PPP1R26: variants seen among roughly 807,000 people sequenced by gnomAD.
PPP1R26 encodes the protein 1A6/DRIM (down-regulated in metastasis) interacting protein.
PPP1R26 carries 22 observed loss-of-function variants against 67.6 expected under a neutral mutation model. That is an observed-to-expected ratio of 0.33 (90% confidence interval 0.23 to 0.46). The LOEUF (loss-of-function observed/expected upper bound fraction) is 0.46, where lower values mean the gene tolerates loss of function less well. PPP1R26 is among the 20% of genes least tolerant of loss of function. The pLI is 1.00. For synonymous variants in PPP1R26, 729 were observed against 717.2 expected, an observed-to-expected ratio of 1.02 and a Z score of -0.26; for missense variants, 1,602 against 1,651.4, an observed-to-expected ratio of 0.97 and a Z score of 0.52.
Position 135,487,611 on chromosome 9 carries a change from G to A in PPP1R26, c.3101G>A (p.Ser1034Asn). The change falls in exon 4 of 4, where the codon AGT (serine) becomes AAT (asparagine). Residue 1034 changes from serine to asparagine, a missense_variant. This residue lies in a region of PPP1R26 where 740 missense variants were observed against 696.3 expected (regional missense o/e 1.06). Transcript: ENST00000356818. Reference protein sequence around the residue: ...TPPWSDFAHQSRLPSPWVLRS... With the variant: ...TPPWSDFAHQNRLPSPWVLRS... ...CCCTGGAGCGACTTCGCCCACCAGAGTCGGCTGCCCAGCCCGTGGGTGCTG... is the reference window on the plus strand; with the variant it reads ...CCCTGGAGCGACTTCGCCCACCAGAATCGGCTGCCCAGCCCGTGGGTGCTG... 6.7e-7 allele frequency: 1 copy of A among 1,489,280 alleles called. No individual in the cohort carries two copies. Among genetic ancestry groups the A allele is most frequent in the Non-Finnish European group, 8.9e-7 (1 of 1,118,500 alleles). The allele number at this position is 1,489,280 out of a possible 1,614,324, so 92.3% of individuals were successfully genotyped here.
Position 135,486,909 on chromosome 9 carries a change from C to T in PPP1R26, c.2399C>T (p.Ala800Val), listed in dbSNP as rs759257667. 6.2e-7 allele frequency: 1 copy of T among 1,612,876 alleles called. No homozygotes were observed. Among genetic ancestry groups the T allele is most frequent in the South Asian group, 1.1e-5 (1 of 91,084 alleles). Reference protein sequence around the residue: ...AALAFRVRRPASASASEGNPF... With the variant: ...AALAFRVRRPVSASASEGNPF... ...CTGGCCTTCCGGGTGAGGAGACCCG[C>T]CTCCGCCTCTGCCTCCGAAGGGAAT... Residue 800 changes from alanine (A) to valine (V), a missense_variant, in exon 4 of 4, where the codon GCC becomes GTC. This residue lies in a region of PPP1R26 where 740 missense variants were observed against 696.3 expected (regional missense o/e 1.06). Transcript: ENST00000356818. This position sits in a 1 kb window ranked among gnomAD's most constrained non-coding sequence, Gnocchi z 6.2.
chr9:135,488,239 A>G lies in PPP1R26; in HGVS notation c.*99A>G. ...TGGTTCCGTGGCTGCAAGGAAGGGA[A>G]ACAGTCTATTATACATAGCCCTGTA... is the stretch of plus-strand genomic sequence containing the variant. On this transcript the variant is annotated 3_prime_UTR_variant, in exon 4 of 4. Transcript: ENST00000356818. 7.0e-7 allele frequency: 1 copy of G among 1,430,376 alleles called. No individual in the cohort carries two copies. The highest frequency in any genetic ancestry group is 9.2e-7 in the Non-Finnish European group (1 of 1,091,256). The allele number at this position is 1,430,376 out of a possible 1,614,324, so 88.6% of individuals were successfully genotyped here. A position where few individuals can be genotyped will look rare whatever the true frequency, so the allele number is the denominator to read the frequency against.
rs1198751524 is a variant in PPP1R26 at position 135,482,755 on chromosome 9, G to A, written c.-256G>A. 2 of 398,410 alleles carry A rather than the reference G, an allele frequency of 5.0e-6. No homozygotes were observed. Among genetic ancestry groups the A allele is most frequent in the African/African-American group, 4.1e-5 (2 of 48,592 alleles). 24.7% of individuals were successfully genotyped at this position (398,410 alleles called of 1,614,324 possible). A position where few individuals can be genotyped will look rare whatever the true frequency, so the allele number is the denominator to read the frequency against. On this transcript the variant is annotated 5_prime_UTR_variant, in exon 2 of 4. Transcript: ENST00000356818. ...TGGAGTGATGAGGACCTGATCTCTG[G>A]GCCGTGTGGGAACACTGGCTGCCAT... is the stretch of plus-strand genomic sequence containing the variant.
intron 2 of PPP1R26, 122 bp downstream of exon 2, chr9:135,482,937 C>A: frequency 2.6e-6 from 1 of 378,182 alleles, no homozygotes; most frequent in Non-Finnish European, 4.6e-6. Context: ...CTTTTGGGCT[C>A]ACCTGTGTGT....
chr9:135,482,807 GAATTTCAAGT>G lies in PPP1R26; in HGVS notation c.-196+7_-196+16del, dbSNP rs1340706864. The G allele has an allele frequency of 2.5e-5, 10 of 398,382 alleles. No homozygotes were observed. The highest frequency in any genetic ancestry group is 4.4e-5 in the Non-Finnish European group (10 of 226,046). The allele number at this position is 398,382 out of a possible 1,614,324, so 24.7% of individuals were successfully genotyped here. A position where few individuals can be genotyped will look rare whatever the true frequency, so the allele number is the denominator to read the frequency against. On this transcript the variant is annotated splice_donor_variant and 5_prime_UTR_variant, in exon 2 of 4. Transcript: ENST00000356818. LOFTEE classifies it low-confidence loss of function (5UTR_SPLICE). Reference sequence around the variant, plus strand: ...TCATCACAGTCAACCTGGACTCACAGAATTTCAAGTAATTTCAAGTAATTCTTGTATTTTA... The same window carrying G: ...TCATCACAGTCAACCTGGACTCACAGAATTTCAAGTAATTCTTGTATTTTA...
At chr9:135,483,195 T>C (rs1484050929) in intron 2 of PPP1R26, among the ~76,000 whole-genome samples, 1 of 152,102 alleles carries the variant, frequency 6.6e-6, no homozygotes, top group Non-Finnish European at 1.5e-5. Flanking sequence ...TTTCACTATA[T>C]TGGTCAGGCT....
At position 135,486,112 on chromosome 9, in the gene PPP1R26, C is replaced by A. The variant is rs142756939; in HGVS notation, c.1602C>A (p.Ile534=). The A allele has an allele frequency of 1.9e-6, 3 of 1,612,836 alleles. No individual in the cohort carries two copies. Among genetic ancestry groups the A allele is most frequent in the Non-Finnish European group, 1.7e-6 (2 of 1,180,044 alleles). The part of the protein sequence containing the change: ...DSSSVDSDDS[I]EQEIRTFLAL... ...GCTCCGTGGACAGCGATGACAGCAT[C>A]GAGCAGGAAATCCGGACATTTTTGG... Residue 534 remains isoleucine (I), a synonymous_variant, in exon 4 of 4, where the codon ATC becomes ATA. Coordinates refer to ENST00000356818, the MANE Select transcript of PPP1R26 (RefSeq NM_014811.5). The surrounding 1 kb of genome is among the most constrained non-coding windows in gnomAD (Gnocchi z 6.2).
chr9:135,483,816 A>G, intron 2 of PPP1R26, 134 bp from the exon 3 acceptor site: 1 of 390,174 alleles, frequency 2.6e-6, no homozygotes. Flanking sequence ...AAGAATAACA[A>G]TGCAGTCCCA....
In PPP1R26 at chr9:135,484,724, G is replaced by T; in HGVS notation, c.214G>T (p.Gly72Cys). 6.2e-7 allele frequency: 1 copy of T among 1,609,702 alleles called. No homozygotes were observed. Among genetic ancestry groups the T allele is most frequent in the Non-Finnish European group, 8.5e-7 (1 of 1,178,706 alleles). Residue 72 changes from glycine (G) to cysteine (C), a missense_variant, in exon 4 of 4, where the codon GGC (glycine) becomes TGC (cysteine). By Grantham distance (159) the Gly-to-Cys change is radical (BLOSUM62 -3). Transcript: ENST00000356818. ...CAGCGATGAGCGCGCCGCACAGAGGGGCCACAGGGCAGAGGGATGCCACGA... is the reference window on the plus strand; with the variant it reads ...CAGCGATGAGCGCGCCGCACAGAGGTGCCACAGGGCAGAGGGATGCCACGA... Reference protein sequence around the residue: ...GTSDERAAQRGHRAEGCHDAR... With the variant: ...GTSDERAAQRCHRAEGCHDAR...
At chr9:135,482,268 C>G (rs1030065972) in intron 1 of PPP1R26, among the ~76,000 whole-genome samples, 1 of 152,210 alleles carries the variant, frequency 6.6e-6, no homozygotes, top group Non-Finnish European at 1.5e-5. Flanking sequence ...GTAAGGCAGG[C>G]GTGGGTTTGC....
chr9:135,486,041 C>T lies in PPP1R26; in HGVS notation c.1531C>T (p.Leu511Phe). Residue 511 changes from leucine to phenylalanine, a missense_variant, in exon 4 of 4, where the codon CTC (leucine) becomes TTC (phenylalanine). Coordinates refer to ENST00000356818, the MANE Select transcript of PPP1R26 (RefSeq NM_014811.5). This position sits in a 1 kb window ranked among gnomAD's most constrained non-coding sequence, Gnocchi z 6.2. ...TGACGGGTCCCTGTCCGCAAGCCCA[C>T]TCTTCTACTCCCCGAACGTGCCTTC... is the stretch of plus-strand genomic sequence containing the variant. The part of the protein sequence containing the change: ...GSDGSLSASP[L>F]FYSPNVPSRS... 1 of 1,613,206 alleles carries T rather than the reference C, an allele frequency of 6.2e-7. No homozygotes were observed. Among genetic ancestry groups the T allele is most frequent in the African/African-American group, 1.3e-5 (1 of 75,074 alleles).
Position 135,484,944 on chromosome 9 carries a change from G to A in PPP1R26, c.434G>A (p.Ser145Asn). The A allele has an allele frequency of 2.5e-6, 4 of 1,581,156 alleles. No individual in the cohort carries two copies. Among genetic ancestry groups the A allele is most frequent in the Non-Finnish European group, 3.4e-6 (4 of 1,163,292 alleles). ...ATCCAGGAGTACCTGAAGGCAAAGA[G>A]TGGAGCCGCACAGCCCGGGGCCGGC... Reference protein sequence around the residue: ...EAIQEYLKAKSGAAQPGAGGA... With the variant: ...EAIQEYLKAKNGAAQPGAGGA... The change falls in exon 4 of 4, where the codon AGT becomes AAT. Residue 145 changes from serine (S) to asparagine (N), a missense_variant. Ser to Asn is a conservative substitution (Grantham distance 46). Transcript: ENST00000356818.
chr9:135,488,432 A>T lies in PPP1R26; in HGVS notation c.*292A>T. The T allele has an allele frequency of 3.5e-6, 1 of 288,468 alleles. No individual in the cohort carries two copies. The allele number at this position is 288,468 out of a possible 1,614,324, so 17.9% of individuals were successfully genotyped here. Reference sequence around the variant, plus strand: ...CTGCAGTTTTCTGTGTTCTGCATACAAGTCTTAGCTTAGGAAACATTTGGT... The same window carrying T: ...CTGCAGTTTTCTGTGTTCTGCATACTAGTCTTAGCTTAGGAAACATTTGGT... On this transcript the variant is annotated 3_prime_UTR_variant, in exon 4 of 4. Transcript: ENST00000356818.
rs747791311 is a variant in PPP1R26 at position 135,485,145 on chromosome 9, C to T, written c.635C>T (p.Ser212Phe). The T allele has an allele frequency of 1.8e-5, 29 of 1,612,766 alleles. No individual in the cohort carries two copies. Among genetic ancestry groups the T allele is most frequent in the Non-Finnish European group, 2.3e-5 (27 of 1,179,856 alleles). The change falls in exon 4 of 4, where the codon TCC becomes TTC. Residue 212 changes from serine (S) to phenylalanine (F), a missense_variant. Coordinates refer to ENST00000356818, the MANE Select transcript of PPP1R26 (RefSeq NM_014811.5). The surrounding 1 kb of genome is among the most constrained non-coding windows in gnomAD (Gnocchi z 7.2). ...VGSSKDQGSASPVSVSSDDSF... is the reference protein window; with the variant it reads ...VGSSKDQGSAFPVSVSSDDSF... ...TCCAGCAAGGACCAGGGCTCCGCCT[C>T]CCCGGTCAGTGTGAGCAGCGATGAC...
chr9:135,483,594 A>C (rs955387646), intron 2 of PPP1R26: 2 of 168,852 alleles, frequency 1.2e-5, no homozygotes, highest in Non-Finnish European at 2.5e-5. Context: ...ATAGCTGCGC[A>C]GTATCCCTGG....
Position 135,485,919 on chromosome 9 carries a change from G to T in PPP1R26, c.1409G>T (p.Arg470Leu), listed in dbSNP as rs773638714. 1.2e-6 allele frequency: 2 copies of T among 1,613,514 alleles called. No homozygotes were observed. The highest frequency in any genetic ancestry group is 8.5e-7 in the Non-Finnish European group (1 of 1,180,022). ...SPASRSEFVE[R>L]SSCRADTSAE... ...GCTTCCAGGAGTGAGTTTGTGGAAC[G>T]GTCCTCGTGCCGGGCGGACACATCT... is the stretch of plus-strand genomic sequence containing the variant. The change falls in exon 4 of 4, where the codon CGG (arginine) becomes CTG (leucine). Residue 470 changes from arginine (R) to leucine (L), a missense_variant. Arg to Leu is a moderately radical substitution (Grantham distance 102). Coordinates refer to ENST00000356818, the MANE Select transcript of PPP1R26 (RefSeq NM_014811.5). The surrounding 1 kb of genome is among the most constrained non-coding windows in gnomAD (Gnocchi z 7.2).
In PPP1R26 at chr9:135,486,401, G is replaced by C. The variant is rs372379068; in HGVS notation, c.1891G>C (p.Gly631Arg). ...CCACAGCCAGGGGAGAGCTGAGCCC[G>C]GCCATGAGAGGCGAGACCTGCCCAT... ...ADHSQGRAEPGHERRDLPIQG... is the reference protein window; with the variant it reads ...ADHSQGRAEPRHERRDLPIQG... The change falls in exon 4 of 4, where the codon GGC becomes CGC. Residue 631 changes from glycine (G) to arginine (R), a missense_variant. By Grantham distance (125) the Gly-to-Arg change is moderately radical (BLOSUM62 -2). Coordinates refer to ENST00000356818, the MANE Select transcript of PPP1R26 (RefSeq NM_014811.5). The surrounding 1 kb of genome is among the most constrained non-coding windows in gnomAD (Gnocchi z 6.2). The C allele has an allele frequency of 6.2e-7, 1 of 1,613,092 alleles. No individual in the cohort carries two copies. Among genetic ancestry groups the C allele is most frequent in the South Asian group, 1.1e-5 (1 of 91,076 alleles).
In PPP1R26 at chr9:135,487,344, G is replaced by C; in HGVS notation, c.2834G>C (p.Gly945Ala). 6.4e-7 allele frequency: 1 copy of C among 1,553,224 alleles called. No homozygotes were observed. Among genetic ancestry groups the C allele is most frequent in the Non-Finnish European group, 8.7e-7 (1 of 1,152,098 alleles). Residue 945 changes from glycine (G) to alanine (A), a missense_variant, in exon 4 of 4, where the codon GGT becomes GCT. Around this residue, in one of 5 missense-constraint regions of PPP1R26, gnomAD observed 740 missense variants for 696.3 expected, o/e 1.06. Coordinates refer to ENST00000356818, the MANE Select transcript of PPP1R26 (RefSeq NM_014811.5). ...DPVPPRSTSG[G>A]VSAKGLSVSR... ...GTGCCGCCCAGGAGCACCAGCGGCG[G>C]TGTCTCCGCCAAGGGGCTCTCAGTG...
chr9:135,483,165 T>C (rs1005709175), intron 2 of PPP1R26, among the ~76,000 whole-genome samples: 1 of 151,956 alleles, frequency 6.6e-6, no homozygotes, highest in African/African-American at 2.4e-5. Context: ...AATTTTTGTG[T>C]TTTTTTAGTA....
Sources: allele counts gnomAD v4.1 joint callset (sites outside exome capture counted in the v4.1 genomes callset), GRCh38; gene constraint gnomAD v4.1.1; regional missense constraint gnomAD v4.1.1; non-coding constraint Gnocchi (gnomAD v3.1); transcripts MANE v1.5; gene names NCBI Gene and HGNC (gene_info 2026-07-23, HGNC 2026-07-21).